The following PLXDC1 variants were observed in gnomAD, a reference collection of about 807,000 sequenced individuals.
PLXDC1 encodes the protein plexin domain containing 1.
A neutral mutation model predicts 61.3 loss-of-function variants in PLXDC1; 39 were observed. The ratio of observed to expected loss-of-function variants is 0.64; its 90% CI spans 0.49 to 0.83. The LOEUF (loss-of-function observed/expected upper bound fraction) is 0.83, where lower values mean the gene tolerates loss of function less well. PLXDC1 is among the 40% of genes least tolerant of loss of function. The pLI, the probability that PLXDC1 is intolerant of heterozygous loss-of-function variation, is 0.00. For missense variants in PLXDC1, 596 were observed against 666.5 expected (o/e 0.89, Z 1.17); for synonymous variants, 212 against 254.5 (o/e 0.83, Z 1.59).
chr17:39,129,903 C>T (rs9944461), intron 2 of PLXDC1, among the ~76,000 whole-genome samples: 90,451 of 152,028 alleles, frequency 0.59, 27,112 homozygotes, highest in East Asian at 0.71. Context: ...AATAAATAAA[C>T]GGATAAACGA....
chr17:39,086,143 C>A (rs1474370815), intron 8 of PLXDC1, among the ~76,000 whole-genome samples: 1 of 152,188 alleles, frequency 6.6e-6, no homozygotes, highest in Non-Finnish European at 1.5e-5. Context: ...CCTTGGATGT[C>A]CTTGCTCCTA....
chr17:39,117,797 G>T (rs1483488386), intron 2 of PLXDC1, among the ~76,000 whole-genome samples: 3 of 152,174 alleles, frequency 2.0e-5, no homozygotes, highest in Non-Finnish European at 4.4e-5. Flanking sequence ...TGAGTAAAGG[G>T]TTTGATTGGC....
chr17:39,067,966 A>G lies in PLXDC1; in HGVS notation c.1384-7T>C. ...GCCAGTGGTGAGGTCTACGCTGCAG[A>G]AGGCACAGAGGCAAAGTCAGTGGGC... On this transcript the variant is annotated splice_polypyrimidine_tract_variant and splice_region_variant and intron_variant, in intron 13 of 13. Transcript: ENST00000315392. The G allele has an allele frequency of 6.2e-7, 1 of 1,613,336 alleles. No homozygotes were observed. The highest frequency in any genetic ancestry group is 8.5e-7 in the Non-Finnish European group (1 of 1,179,754).
In PLXDC1 at chr17:39,077,895, C is replaced by T. The variant is rs771100826; in HGVS notation, c.1186+18G>A. 1 of 1,613,928 alleles carries T rather than the reference C, an allele frequency of 6.2e-7. No homozygotes were observed. The highest frequency in any genetic ancestry group is 1.1e-5 in the South Asian group (1 of 91,078). On this transcript the variant is annotated intron_variant, in intron 11 of 13. Coordinates refer to ENST00000315392, the MANE Select transcript of PLXDC1 (RefSeq NM_020405.5). ...TTCCTGGCCTCCTCTCTGCTCCCCT[C>T]CTGGGCTCAGAACTTACCTTCTGTG...
At position 39,139,511 on chromosome 17, in the gene PLXDC1, C is replaced by A. The variant is rs543311127; in HGVS notation, c.255+143G>T. The A allele has an allele frequency of 9.6e-6, 7 of 730,640 alleles. No individual in the cohort carries two copies. The South Asian group carries it at 1.0e-4, about 11-fold the overall frequency. The allele number at this position is 730,640 out of a possible 1,614,324, so 45.3% of individuals were successfully genotyped here. On this transcript the variant is annotated intron_variant, in intron 2 of 13. Transcript: ENST00000315392. Reference sequence around the variant, plus strand: ...CTGGGCCCTGCTTCCATCCCCTCCCCGGGGATTCTTCTCTCCACCCTGTCC... The same window carrying A: ...CTGGGCCCTGCTTCCATCCCCTCCCAGGGGATTCTTCTCTCCACCCTGTCC...
chr17:39,112,353 C>A (rs1910835141), intron 2 of PLXDC1: 1 of 151,632 alleles, frequency 6.6e-6, no homozygotes, highest in Non-Finnish European at 1.5e-5. Flanking sequence ...CCCCCCAGTT[C>A]AAACAAAAAA....
chr17:39,147,001 G>T (rs1471374797), intron 1 of PLXDC1, among the ~76,000 whole-genome samples: 1 of 135,936 alleles, frequency 7.4e-6, no homozygotes, highest in Non-Finnish European at 1.5e-5. Context: ...TGTCACCCAG[G>T]CTGGAGTGTA....
At chr17:39,149,863 T>G (rs1471935853) in intron 1 of PLXDC1, among the ~76,000 whole-genome samples, 2 of 152,136 alleles carry the variant, frequency 1.3e-5, no homozygotes, top group African/African-American at 4.8e-5. Flanking sequence ...TCACACCAGG[T>G]TGAGGATTCA....
intron 1 of PLXDC1, among the ~76,000 whole-genome samples, chr17:39,146,629 T>C (rs1355704255): frequency 6.6e-6 from 1 of 151,604 alleles, no homozygotes; most frequent in Non-Finnish European, 1.5e-5. Context: ...CTGGGCAACA[T>C]GGCAAGACCT....
Position 39,139,659 on chromosome 17 carries a change from C to T in PLXDC1, c.250G>A (p.Val84Met), listed in dbSNP as rs1281673061. ...CATGTTCCTCCAGCACTCACCACCACCCTGGTCCTGTTATCTGGCAGCGTG... is the reference window on the plus strand; with the variant it reads ...CATGTTCCTCCAGCACTCACCACCATCCTGGTCCTGTTATCTGGCAGCGTG... ...MDTLPDNRTRVVEDNHSYYVS... is the reference protein window; with the variant it reads ...MDTLPDNRTRMVEDNHSYYVS... The change falls in exon 2 of 14, where the codon GTG becomes ATG. Residue 84 changes from valine to methionine, a missense_variant. Val to Met is a conservative substitution (Grantham distance 21). Transcript: ENST00000315392. 1.2e-6 allele frequency: 2 copies of T among 1,612,536 alleles called. No individual in the cohort carries two copies. The highest frequency in any genetic ancestry group is 2.2e-5 in the South Asian group (2 of 90,980).
intron 1 of PLXDC1, among the ~76,000 whole-genome samples, chr17:39,145,069 G>A (rs141395152): frequency 3.0e-3 from 450 of 152,316 alleles, no homozygotes; most frequent in African/African-American, 0.011. Flanking sequence ...TCTGAACTCA[G>A]GCAGGCTGGC....
rs1334047913 is a variant in PLXDC1 at position 39,066,275 on chromosome 17, A to T, written c.*1565T>A. The T allele has an allele frequency of 6.6e-6, 1 of 152,300 alleles. No homozygotes were observed. Among genetic ancestry groups the T allele is most frequent in the Non-Finnish European group, 1.5e-5 (1 of 68,078 alleles). The allele number at this position is 152,300 out of a possible 1,614,324, so 9.4% of individuals were successfully genotyped here. On this transcript the variant is annotated 3_prime_UTR_variant, in exon 14 of 14. Transcript: ENST00000315392. ...CCCCACATGGTAAATGTGGCTGCGCATAGCAAGCTCACCCAGGGAAGGCTG... is the reference window on the plus strand; with the variant it reads ...CCCCACATGGTAAATGTGGCTGCGCTTAGCAAGCTCACCCAGGGAAGGCTG...
chr17:39,127,283 C>T (rs571159264), intron 2 of PLXDC1, among the ~76,000 whole-genome samples: 1 of 152,182 alleles, frequency 6.6e-6, no homozygotes, highest in African/African-American at 2.4e-5. Context: ...GAGCAACTGC[C>T]CCAGTTTACA....
At position 39,151,622 on chromosome 17, in the gene PLXDC1, T is replaced by C; in HGVS notation, c.-185A>G. The C allele has an allele frequency of 9.7e-7, 1 of 1,028,674 alleles. No homozygotes were observed. The highest frequency in any genetic ancestry group is 1.2e-6 in the Non-Finnish European group (1 of 857,608). The allele number at this position is 1,028,674 out of a possible 1,614,324, so 63.7% of individuals were successfully genotyped here. ...CGAGAGCGCGAGCGGAGCTGGAGGCTGCGGCCTCCGGGAGCAGGCGGGGAG... is the reference window on the plus strand; with the variant it reads ...CGAGAGCGCGAGCGGAGCTGGAGGCCGCGGCCTCCGGGAGCAGGCGGGGAG... On this transcript the variant is annotated 5_prime_UTR_variant, in exon 1 of 14. Coordinates refer to ENST00000315392, the MANE Select transcript of PLXDC1 (RefSeq NM_020405.5). The surrounding 1 kb of genome is among the most constrained non-coding windows in gnomAD (Gnocchi z 5.2).
chr17:39,108,237 A>G lies in PLXDC1; in HGVS notation c.478T>C (p.Phe160Leu). The change falls in exon 5 of 14, where the codon TTC (phenylalanine) becomes CTC (leucine). Residue 160 changes from phenylalanine (F) to leucine (L), a missense_variant. Transcript: ENST00000315392. The stretch of plus-strand genomic sequence containing the variant: ...ATCCGATGGATCACGTCCCCCATGA[A>G]GATGAAGCCTAGGGTGGGAGAGGTG... ...QITIATGGFIFMGDVIHRMLT... is the reference protein window; with the variant it reads ...QITIATGGFILMGDVIHRMLT... The G allele has an allele frequency of 6.2e-7, 1 of 1,614,012 alleles. No homozygotes were observed. The highest frequency in any genetic ancestry group is 8.5e-7 in the Non-Finnish European group (1 of 1,180,010).
intron 9 of PLXDC1, chr17:39,079,418 G>A: frequency 5.4e-6 from 3 of 554,640 alleles, no homozygotes; most frequent in Non-Finnish European, 1.0e-5. Context: ...GGGCTAGCAG[G>A]ACTGCATGAG....
chr17:39,145,733 T>C (rs1419816819), intron 1 of PLXDC1, among the ~76,000 whole-genome samples: 1 of 152,134 alleles, frequency 6.6e-6, no homozygotes, highest in Non-Finnish European at 1.5e-5. Context: ...TTCATTGTAG[T>C]ATCAGAGCAG....
rs566055021 is a variant in PLXDC1, at chr17:39,145,789, T to C, written c.76+5573A>G. On this transcript the variant is annotated intron_variant, in intron 1 of 13. Transcript: ENST00000315392. ...ATCAGACAAGCTAGACACTGAACCC[T>C]GAATCTACCACCTACTAACTACAAC... Among the ~76,000 whole-genome samples, 10 of 152,278 alleles carry C rather than the reference T, an allele frequency of 6.6e-5. No homozygotes were observed. In the South Asian group the frequency reaches 2.1e-3, roughly 32 times the overall value.
chr17:39,122,905 A>G (rs1911209304), intron 2 of PLXDC1, among the ~76,000 whole-genome samples: 1 of 152,204 alleles, frequency 6.6e-6, no homozygotes, highest in Non-Finnish European at 1.5e-5. Context: ...CACAAATCAC[A>G]TCAAAGTAAA....
Sources: allele counts gnomAD v4.1 joint callset (sites outside exome capture counted in the v4.1 genomes callset), GRCh38; gene constraint gnomAD v4.1.1; non-coding constraint Gnocchi (gnomAD v3.1); transcripts MANE v1.5; gene names NCBI Gene and HGNC (gene_info 2026-07-23, HGNC 2026-07-21).